ZNF33A: variants seen among roughly 807,000 people sequenced by gnomAD.
ZNF33A encodes the protein zinc finger protein 33A, also known as brain my041 protein.
A neutral mutation model predicts 15.9 loss-of-function variants in ZNF33A; 9 were observed. The observed-to-expected ratio is 0.57, with a 90% CI of 0.34 to 0.99. ZNF33A has a LOEUF of 0.99. ZNF33A is among the 50% of genes least tolerant of loss of function. The pLI is 0.02. For missense variants in ZNF33A, 843 were observed against 941.6 expected, an observed-to-expected ratio of 0.90 and a Z score of 1.37; for synonymous variants, 294 against 324.2, an observed-to-expected ratio of 0.91 and a Z score of 1.00.
chr10:38,012,199 T>G (rs1247857179), intron 1 of ZNF33A, 99 bp from the exon 2 acceptor site: 11 of 1,208,316 alleles, frequency 9.1e-6, no homozygotes, highest in Non-Finnish European at 1.2e-5. Context: ...AGGAAGCATT[T>G]TACCTAGTGG....
rs777459806 is a variant in ZNF33A at position 38,055,972 on chromosome 10, A to C, written c.1848A>C (p.Lys616Asn). The change falls in exon 5 of 5, where the codon AAA (lysine) becomes AAC (asparagine). Residue 616 changes from lysine to asparagine, a missense_variant. By Grantham distance (94) the Lys-to-Asn change is moderately conservative (BLOSUM62 0). Coordinates refer to ENST00000432900, the MANE Select transcript of ZNF33A (RefSeq NM_006954.2). ...EKPYECNECGKAFYQKSQLTQ... is the reference protein window; with the variant it reads ...EKPYECNECGNAFYQKSQLTQ... ...CCTATGAATGTAATGAATGTGGAAA[A>C]GCCTTCTACCAGAAGTCACAACTCA... 1 of 1,614,054 alleles carries C rather than the reference A, an allele frequency of 6.2e-7. No homozygotes were observed. The highest frequency in any genetic ancestry group is 8.5e-7 in the Non-Finnish European group (1 of 1,179,966).
intron 4 of ZNF33A, among the ~76,000 whole-genome samples, chr10:38,030,383 A>G (rs1343604273): frequency 1.3e-5 from 2 of 152,184 alleles, no homozygotes; most frequent in East Asian, 3.9e-4. Flanking sequence ...CATACCATGA[A>G]GTGTTACCCA....
upstream of ZNF33A, chr10:38,010,568 G>T: frequency 3.6e-6 from 3 of 841,654 alleles, no homozygotes; most frequent in Non-Finnish European, 6.1e-6. Context: ...CAATCCGAAG[G>T]GCTGCTCGCC....
At chr10:38,035,536 AC>A (rs2135662664) in intron 4 of ZNF33A, among the ~76,000 whole-genome samples, 1 of 152,334 alleles carries the variant, frequency 6.6e-6, no homozygotes, top group East Asian at 1.9e-4. Flanking sequence ...TACAGTACTT[AC>A]GTGCAGATTT....
chr10:38,014,663 G>GT (rs2064362785), intron 2 of ZNF33A, among the ~76,000 whole-genome samples: 1 of 152,136 alleles, frequency 6.6e-6, no homozygotes, highest in African/African-American at 2.4e-5. Flanking sequence ...ATATATGTCT[G>GT]TGTGTTTTTT....
At chr10:38,032,458 T>C (rs1259665703) in intron 4 of ZNF33A, among the ~76,000 whole-genome samples, 1 of 152,182 alleles carries the variant, frequency 6.6e-6, no homozygotes, top group African/African-American at 2.4e-5. Flanking sequence ...TTTTACTTTT[T>C]TTGAGATGGA....
At chr10:38,024,853 T>TC (rs1312880145) in intron 4 of ZNF33A, among the ~76,000 whole-genome samples, 1 of 152,234 alleles carries the variant, frequency 6.6e-6, no homozygotes, top group African/African-American at 2.4e-5. Flanking sequence ...AGGACATGAA[T>TC]CAACCCTATG....
Position 38,055,213 on chromosome 10 carries a change from A to G in ZNF33A, c.1089A>G (p.Glu363=), listed in dbSNP as rs774578634. 1 of 1,614,128 alleles carries G rather than the reference A, an allele frequency of 6.2e-7. No individual in the cohort carries two copies. Among genetic ancestry groups the G allele is most frequent in the Non-Finnish European group, 8.5e-7 (1 of 1,179,986 alleles). ...AACCCTTTCAATGTAATGAATGTGAAAAAGCTTTCTGGGATAAGTCAAACC... is the reference window on the plus strand; with the variant it reads ...AACCCTTTCAATGTAATGAATGTGAGAAAGCTTTCTGGGATAAGTCAAACC... The part of the protein sequence containing the change: ...GQKPFQCNEC[E]KAFWDKSNLT... The change falls in exon 5 of 5, where the codon GAA becomes GAG. Residue 363 remains glutamate, a synonymous_variant. Coordinates refer to ENST00000432900, the MANE Select transcript of ZNF33A (RefSeq NM_006954.2).
intron 4 of ZNF33A, among the ~76,000 whole-genome samples, chr10:38,045,656 C>G (rs1488941013): frequency 2.6e-5 from 4 of 152,212 alleles, no homozygotes; most frequent in Admixed American, 2.0e-4. Context: ...CTGGATGTCT[C>G]TTCTTAGCCA....
downstream of ZNF33A, chr10:38,063,980 G>A (rs2066685563): frequency 9.6e-7 from 1 of 1,044,504 alleles, no homozygotes; most frequent in Non-Finnish European, 1.4e-6. Flanking sequence ...GCAGGACAGT[G>A]CATTCTGTAG....
At chr10:38,023,454 G>T (rs2135579371) in intron 4 of ZNF33A, among the ~76,000 whole-genome samples, 1 of 152,212 alleles carries the variant, frequency 6.6e-6, no homozygotes, top group African/African-American at 2.4e-5. Flanking sequence ...AAGCAAGGCT[G>T]GTTCAACATT....
intron 4 of ZNF33A, among the ~76,000 whole-genome samples, chr10:38,027,367 T>G (rs2065030615): frequency 1.3e-5 from 2 of 152,092 alleles, no homozygotes; most frequent in Admixed American, 6.6e-5. Flanking sequence ...TTGTATTTTT[T>G]TTTTAAGAGA....
chr10:38,067,216 T>A (rs564922617), downstream of ZNF33A, among the ~76,000 whole-genome samples: 1 of 152,100 alleles, frequency 6.6e-6, no homozygotes, highest in African/African-American at 2.4e-5. Context: ...TGTTCCATGA[T>A]TGGTAAAAGG....
rs750292658 is a variant in ZNF33A, at chr10:38,055,696, T to A, written c.1572T>A (p.Pro524=). 6.2e-7 allele frequency: 1 copy of A among 1,613,084 alleles called. No individual in the cohort carries two copies. The highest frequency in any genetic ancestry group is 1.1e-5 in the South Asian group (1 of 91,022). ...RHQIIHTGWK[P]YECYECGKTF... ...AGATAATTCATACAGGGTGGAAACC[T>A]TATGAATGTTATGAATGTGGGAAAA... is the stretch of plus-strand genomic sequence containing the variant. The change falls in exon 5 of 5, where the codon CCT becomes CCA. Residue 524 remains proline (P), a synonymous_variant. Transcript: ENST00000432900.
At position 38,055,868 on chromosome 10, in the gene ZNF33A, G is replaced by C; in HGVS notation, c.1744G>C (p.Glu582Gln). The C allele has an allele frequency of 6.2e-7, 1 of 1,613,998 alleles. No individual in the cohort carries two copies. Among genetic ancestry groups the C allele is most frequent in the South Asian group, 1.1e-5 (1 of 91,074 alleles). ...AACACACACAGGGGAGAAACCCTAC[G>C]AATGTCATGAATGTGGAAAAATCTT... Reference protein sequence around the residue: ...YRTHTGEKPYECHECGKIFYN... With the variant: ...YRTHTGEKPYQCHECGKIFYN... The change falls in exon 5 of 5, where the codon GAA becomes CAA. Residue 582 changes from glutamate (E) to glutamine (Q), a missense_variant. Glu to Gln is a conservative substitution (Grantham distance 29). Coordinates refer to ENST00000432900, the MANE Select transcript of ZNF33A (RefSeq NM_006954.2).
intron 4 of ZNF33A, 43 bp downstream of exon 4, chr10:38,017,429 T>C (rs777431250): frequency 2.6e-6 from 4 of 1,519,400 alleles, no homozygotes; most frequent in Non-Finnish European, 2.7e-6. Context: ...AGGGGATTTG[T>C]TGTTTCCCAG....
At position 38,056,997 on chromosome 10, in the gene ZNF33A, C is replaced by T. The variant is rs1401900997; in HGVS notation, c.*437C>T. The T allele has an allele frequency of 5.0e-6, 4 of 792,412 alleles. No homozygotes were observed. Among genetic ancestry groups the T allele is most frequent in the Non-Finnish European group, 6.1e-6 (4 of 652,304 alleles). 49.1% of individuals were successfully genotyped at this position (792,412 alleles called of 1,614,324 possible). ...GAGAGAATTCCCATGTACACTTCAC[C>T]AAACTTCCTCTAAGGATAATGTATA... is the stretch of plus-strand genomic sequence containing the variant. On this transcript the variant is annotated 3_prime_UTR_variant, in exon 5 of 5. Transcript: ENST00000432900.
At chr10:38,011,587 AAAAC>A (rs1302569574) in intron 1 of ZNF33A, among the ~76,000 whole-genome samples, 1 of 152,204 alleles carries the variant, frequency 6.6e-6, no homozygotes, top group South Asian at 2.1e-4. Flanking sequence ...AAAAAAAACA[AAAAC>A]AAAGAATTAC....
chr10:38,066,126 T>C (rs190659619), downstream of ZNF33A, among the ~76,000 whole-genome samples: 3 of 152,168 alleles, frequency 2.0e-5, no homozygotes, highest in African/African-American at 7.2e-5. Flanking sequence ...CTCAGGATTA[T>C]AGCATTTGAT....
Sources: gnomAD v4.1 joint callset for allele counts (sites outside exome capture counted in the v4.1 genomes callset) on GRCh38, gnomAD v4.1.1 for gene constraint, MANE v1.5 for transcripts, NCBI Gene and HGNC (gene_info 2026-07-23, HGNC 2026-07-21) for gene names.